RCOR3: variants seen among roughly 807,000 people sequenced by gnomAD.
The protein encoded by RCOR3 is REST corepressor 3.
RCOR3 carries 13 observed loss-of-function variants against 64.1 expected under a neutral mutation model. That is an observed-to-expected ratio of 0.20 (90% confidence interval 0.13 to 0.32). The LOEUF (loss-of-function observed/expected upper bound fraction) is 0.32. RCOR3 is among the 10% of genes least tolerant of loss of function. RCOR3 has a pLI of 1.00. For synonymous variants in RCOR3, 215 were observed against 239.0 expected (o/e 0.90, Z 0.93); for missense variants, 489 against 701.2 (o/e 0.70, Z 3.42).
chr1:211,294,586 C>CTTTTTTTTTT (rs35962546), intron 8 of RCOR3, among the ~76,000 whole-genome samples: 19 of 88,030 alleles, frequency 2.2e-4, no homozygotes, highest in South Asian at 1.4e-3. Context: ...TTCTTTCTTT[C>CTTTTTTTTTT]TTTTTTTTTT....
intron 7 of RCOR3, among the ~76,000 whole-genome samples, chr1:211,280,206 C>T (rs1231068391): frequency 6.6e-6 from 1 of 152,168 alleles, no homozygotes; most frequent in African/African-American, 2.4e-5. Context: ...TAATACCCCT[C>T]CACCCCTAAA....
At chr1:211,272,675 G>T (rs1286120386) in intron 3 of RCOR3, among the ~76,000 whole-genome samples, 4 of 126,058 alleles carry the variant, frequency 3.2e-5, no homozygotes, top group Non-Finnish European at 6.3e-5. Context: ...AGGCTGGAGT[G>T]CAGTGGCGGG....
chr1:211,298,030 T>G (rs768231656), intron 9 of RCOR3, among the ~76,000 whole-genome samples: 2 of 152,338 alleles, frequency 1.3e-5, no homozygotes, highest in African/African-American at 2.4e-5. Context: ...TTGAAGAAAG[T>G]CCATTCACTT....
intron 9 of RCOR3, among the ~76,000 whole-genome samples, chr1:211,301,002 A>G (rs1700327199): frequency 6.6e-6 from 1 of 152,124 alleles, no homozygotes; most frequent in Non-Finnish European, 1.5e-5. Context: ...GTCCACTCCA[A>G]TGCTGGAGGA....
intron 9 of RCOR3, among the ~76,000 whole-genome samples, chr1:211,300,035 C>T (rs1377285639): frequency 6.6e-6 from 1 of 150,472 alleles, no homozygotes; most frequent in Non-Finnish European, 1.5e-5. Flanking sequence ...TATACAGTTT[C>T]AACCGTCCCC....
At chr1:211,288,635 A>T (rs1046887724) in intron 7 of RCOR3, among the ~76,000 whole-genome samples, 2 of 149,754 alleles carry the variant, frequency 1.3e-5, no homozygotes, top group Non-Finnish European at 3.0e-5. Flanking sequence ...TGGAAGTTAG[A>T]AATATTTTCA....
intron 9 of RCOR3, among the ~76,000 whole-genome samples, chr1:211,297,921 G>T (rs1198656078): frequency 2.6e-5 from 4 of 152,136 alleles, no homozygotes; most frequent in Admixed American, 2.0e-4. Flanking sequence ...ATTACAATAA[G>T]CCATCAAGTG....
At chr1:211,289,095 A>T in intron 7 of RCOR3, 83 bp from the exon 8 acceptor site, 4 of 1,028,144 alleles carry the variant, frequency 3.9e-6, no homozygotes, top group Non-Finnish European at 6.0e-6. Context: ...ATTGCAGCAG[A>T]TACTTCTAAT....
At chr1:211,294,180 T>C (rs1401888943) in intron 8 of RCOR3, among the ~76,000 whole-genome samples, 4 of 152,254 alleles carry the variant, frequency 2.6e-5, no homozygotes. Context: ...AAACAAAATG[T>C]ACCCAGCTGA....
chr1:211,272,236 A>G (rs916132267), intron 3 of RCOR3, among the ~76,000 whole-genome samples: 43 of 152,326 alleles, frequency 2.8e-4, no homozygotes, highest in African/African-American at 9.1e-4. Flanking sequence ...AACAGAAAAC[A>G]TGAAATTATT....
rs1434398980 is a variant in RCOR3, at chr1:211,316,376, T to TAATATAAAA, written c.*2609_*2617dup. 6.6e-6 allele frequency: 1 copy of TAATATAAAA among 152,146 alleles called. No individual in the cohort carries two copies. Among genetic ancestry groups the TAATATAAAA allele is most frequent in the Non-Finnish European group, 1.5e-5 (1 of 68,014 alleles). The allele number at this position is 152,146 out of a possible 1,614,324, so 9.4% of individuals were successfully genotyped here. ...AATAGAATATAAAATAAAGGTGAAA[T>TAATATAAAA]AATATAAAATTTTGTCTTAATGTAG... On this transcript the variant is annotated 3_prime_UTR_variant, in exon 12 of 12. Coordinates refer to ENST00000419091, the MANE Select transcript of RCOR3 (RefSeq NM_001136223.3).
At chr1:211,293,692 C>G (rs1245138053) in intron 8 of RCOR3, among the ~76,000 whole-genome samples, 4 of 152,178 alleles carry the variant, frequency 2.6e-5, no homozygotes, top group African/African-American at 7.2e-5. Flanking sequence ...TCTATGAAAT[C>G]CTCGAGAATT....
At position 211,295,066 on chromosome 1, in the gene RCOR3, T is replaced by TTTTTTTTG. The variant is rs1553259603; in HGVS notation, c.940-609_940-608insTTTTTTGT. On this transcript the variant is annotated intron_variant, in intron 8 of 11. Coordinates refer to ENST00000419091, the MANE Select transcript of RCOR3 (RefSeq NM_001136223.3). The stretch of plus-strand genomic sequence containing the variant: ...CTAATTTTTTTTTTTTTTTTTTTTT[T>TTTTTTTTG]TCATAGAGACAGGTTCTCACTATAT... Among the ~76,000 whole-genome samples, 42 of 113,298 alleles carry TTTTTTTTG rather than the reference T, an allele frequency of 3.7e-4. 1 individual carries two copies. Among genetic ancestry groups the TTTTTTTTG allele is most frequent in the East Asian group, 8.0e-4 (3 of 3,762 alleles). 74.3% of individuals were successfully genotyped at this position (113,298 alleles called of 152,430 possible).
Position 211,259,454 on chromosome 1 carries a change from C to G in RCOR3, c.-107C>G, listed in dbSNP as rs1174211357. On this transcript the variant is annotated 5_prime_UTR_variant, in exon 1 of 12. Coordinates refer to ENST00000419091, the MANE Select transcript of RCOR3 (RefSeq NM_001136223.3). ...CCTCCTCCTCCTCCGCCGCCGCCGC[C>G]GTCTCCTCCTCCTCCTCCTTTCCCT... 27 of 1,151,188 alleles carry G rather than the reference C, an allele frequency of 2.3e-5. No homozygotes were observed. Among genetic ancestry groups the G allele is most frequent in the Non-Finnish European group, 3.2e-5 (27 of 832,006 alleles). The allele number at this position is 1,151,188 out of a possible 1,614,324, so 71.3% of individuals were successfully genotyped here. A position where few individuals can be genotyped will look rare whatever the true frequency, so the allele number is the denominator to read the frequency against.
intron 2 of RCOR3, among the ~76,000 whole-genome samples, chr1:211,262,271 C>G (rs554373250): frequency 6.6e-6 from 1 of 151,890 alleles, no homozygotes; most frequent in South Asian, 2.1e-4. Flanking sequence ...CTCCTGACCT[C>G]GTGATCTGCT....
chr1:211,283,042 T>C (rs1229751744), intron 7 of RCOR3, among the ~76,000 whole-genome samples: 2 of 152,236 alleles, frequency 1.3e-5, no homozygotes, highest in Non-Finnish European at 2.9e-5. Context: ...TGTTCCATTG[T>C]ATACATATAC....
Position 211,287,538 on chromosome 1 carries a change from G to A in RCOR3, c.721-1640G>A, listed in dbSNP as rs12079263. Reference sequence around the variant, plus strand: ...AGGAGTTTCTCTGAACATCAGATCCGCCATGTGTTGCTTGGAGGTAGCTTC... The same window carrying A: ...AGGAGTTTCTCTGAACATCAGATCCACCATGTGTTGCTTGGAGGTAGCTTC... On this transcript the variant is annotated intron_variant, in intron 7 of 11. Transcript: ENST00000419091. Among the ~76,000 whole-genome samples, 955 of 152,282 alleles carry A rather than the reference G, an allele frequency of 6.3e-3. 9 individuals carry two copies. Among genetic ancestry groups the A allele is most frequent in the African/African-American group, 0.021 (877 of 41,554 alleles).
chr1:211,265,870 C>G (rs1361965870), intron 2 of RCOR3, among the ~76,000 whole-genome samples: 1 of 152,076 alleles, frequency 6.6e-6, no homozygotes, highest in Non-Finnish European at 1.5e-5. Context: ...GGAGGGTTTT[C>G]CTGACACCCT....
At chr1:211,308,679 TTTTTG>T (rs1558111538) in intron 10 of RCOR3, among the ~76,000 whole-genome samples, 477 of 36,300 alleles carry the variant, frequency 0.013, 6 homozygotes, top group African/African-American at 0.03. Context: ...TTTTGTTTTT[TTTTTG>T]TTTTTTTTTT....
Sources: allele counts gnomAD v4.1 joint callset (sites outside exome capture counted in the v4.1 genomes callset), GRCh38; gene constraint gnomAD v4.1.1; transcripts MANE v1.5; gene names NCBI Gene and HGNC (gene_info 2026-07-23, HGNC 2026-07-21).